PDSS2: variants seen among roughly 807,000 people sequenced by gnomAD.
PDSS2 encodes decaprenyl diphosphate synthase subunit 2.
In PDSS2, 31 loss-of-function variants were observed where a neutral mutation model predicts 44.5. The observed-to-expected ratio is 0.70, with a 90% CI of 0.52 to 0.94. The LOEUF (loss-of-function observed/expected upper bound fraction) is 0.94. Among genes scored for constraint, PDSS2 ranks in the 40% least tolerant of loss-of-function variants. The pLI, the probability that PDSS2 is intolerant of heterozygous loss-of-function variation, is 0.00. For synonymous variants in PDSS2, 157 were observed against 180.3 expected (o/e 0.87, Z 1.03); for missense variants, 452 against 482.2 (o/e 0.94, Z 0.59).
chr6:107,407,811 T>C (rs1057315291), intron 1 of PDSS2, among the ~76,000 whole-genome samples: 6 of 152,086 alleles, frequency 3.9e-5, no homozygotes, highest in Non-Finnish European at 2.9e-5. Context: ...GCAATTCTCC[T>C]GCCTCAGCCT....
chr6:107,321,199 T>C (rs1777370713), intron 2 of PDSS2, among the ~76,000 whole-genome samples: 1 of 152,120 alleles, frequency 6.6e-6, no homozygotes, highest in Non-Finnish European at 1.5e-5. Context: ...TAAATGTTTG[T>C]TGAATGAATG....
At chr6:107,306,621 C>CATATT (rs1776869206) in intron 2 of PDSS2, among the ~76,000 whole-genome samples, 1 of 152,046 alleles carries the variant, frequency 6.6e-6, no homozygotes. Context: ...TGCTGGAATG[C>CATATT]ATATGTTCCA....
intron 4 of PDSS2, among the ~76,000 whole-genome samples, chr6:107,226,985 C>T (rs894319674): frequency 6.8e-6 from 1 of 146,514 alleles, no homozygotes; most frequent in Non-Finnish European, 1.5e-5. Context: ...CAAACCCAGC[C>T]TTTTTTTTAA....
At chr6:107,282,033 G>C (rs1582887678) in intron 2 of PDSS2, among the ~76,000 whole-genome samples, 1 of 152,164 alleles carries the variant, frequency 6.6e-6, no homozygotes, top group African/African-American at 2.4e-5. Flanking sequence ...AGCCTCCCTA[G>C]TATTTGGGAT....
intron 7 of PDSS2, among the ~76,000 whole-genome samples, chr6:107,173,861 G>C (rs1157164212): frequency 1.3e-5 from 2 of 152,076 alleles, no homozygotes; most frequent in Non-Finnish European, 2.9e-5. Flanking sequence ...TGTATATTTA[G>C]GTTTCAAAAA....
At chr6:107,178,385 C>A (rs746765937) in intron 7 of PDSS2, among the ~76,000 whole-genome samples, 18 of 152,122 alleles carry the variant, frequency 1.2e-4, no homozygotes, top group African/African-American at 4.1e-4. Flanking sequence ...GAGGTCTCTA[C>A]GCTATGGTGT....
At chr6:107,301,742 T>C (rs1776700999) in intron 2 of PDSS2, among the ~76,000 whole-genome samples, 1 of 151,996 alleles carries the variant, frequency 6.6e-6, no homozygotes, top group African/African-American at 2.4e-5. Context: ...GGCAGGCAGA[T>C]CACGAGGTCA....
intron 1 of PDSS2, among the ~76,000 whole-genome samples, chr6:107,440,189 T>C (rs1008622591): frequency 4.6e-5 from 7 of 152,184 alleles, no homozygotes; most frequent in African/African-American, 1.7e-4. Flanking sequence ...CTAGAGAGGT[T>C]AGTAATTTGT....
intron 1 of PDSS2, among the ~76,000 whole-genome samples, chr6:107,429,904 ATATATATATATATATAT>A (rs1781133060): frequency 2.1e-4 from 7 of 33,380 alleles, no homozygotes; most frequent in East Asian, 2.4e-3. Flanking sequence ...AAAAAAAAAT[ATATATATATATATATAT>A]ATATATATAT....
chr6:107,209,817 G>A (rs1773135188), intron 6 of PDSS2, among the ~76,000 whole-genome samples: 1 of 152,028 alleles, frequency 6.6e-6, no homozygotes, highest in South Asian at 2.1e-4. Context: ...CAGCCACGAA[G>A]TTAAATAAAT....
intron 2 of PDSS2, among the ~76,000 whole-genome samples, chr6:107,282,300 A>G (rs1218663292): frequency 2.0e-5 from 3 of 152,260 alleles, no homozygotes; most frequent in Non-Finnish European, 2.9e-5. Context: ...TTATAGAATC[A>G]GAGTTGGAAG....
At chr6:107,226,424 G>T (rs1773823767) in intron 4 of PDSS2, among the ~76,000 whole-genome samples, 2 of 152,198 alleles carry the variant, frequency 1.3e-5, no homozygotes, top group African/African-American at 4.8e-5. Flanking sequence ...TTCTGGAGAT[G>T]GCTTCCCTGA....
chr6:107,399,255 C>T (rs1780037214), intron 1 of PDSS2, among the ~76,000 whole-genome samples: 1 of 152,186 alleles, frequency 6.6e-6, no homozygotes, highest in Admixed American at 6.5e-5. Flanking sequence ...AAGGTACCTA[C>T]CCTTGGTCTT....
chr6:107,169,209 C>T (rs186500736), intron 7 of PDSS2, among the ~76,000 whole-genome samples: 43 of 152,194 alleles, frequency 2.8e-4, no homozygotes, highest in African/African-American at 9.1e-4. Flanking sequence ...CTTCTCTTCT[C>T]GCTTCATTTC....
chr6:107,329,404 T>C (rs965185064), intron 2 of PDSS2, among the ~76,000 whole-genome samples: 3 of 152,160 alleles, frequency 2.0e-5, no homozygotes, highest in African/African-American at 7.2e-5. Flanking sequence ...GACTTCAACC[T>C]TTCCTTTCCA....
chr6:107,229,122 T>C (rs536431630), intron 4 of PDSS2, among the ~76,000 whole-genome samples: 16 of 152,280 alleles, frequency 1.1e-4, no homozygotes, highest in Admixed American at 3.9e-4. Context: ...AAACAGCTTT[T>C]ACATGTATAT....
At chr6:107,380,562 A>G (rs1395558995) in intron 1 of PDSS2, among the ~76,000 whole-genome samples, 1 of 152,202 alleles carries the variant, frequency 6.6e-6, no homozygotes, top group African/African-American at 2.4e-5. Context: ...GGTAGTATCC[A>G]GCCTGGGAGT....
At chr6:107,323,081 T>A (rs915894758) in intron 2 of PDSS2, among the ~76,000 whole-genome samples, 3 of 152,160 alleles carry the variant, frequency 2.0e-5, no homozygotes, top group Admixed American at 6.5e-5. Flanking sequence ...TCACCTATCA[T>A]CTTATGTGAG....
chr6:107,353,255 T>G (rs1778487256), intron 1 of PDSS2, among the ~76,000 whole-genome samples: 2 of 152,200 alleles, frequency 1.3e-5, no homozygotes, highest in Non-Finnish European at 2.9e-5. Flanking sequence ...CATGTGGATG[T>G]ACACAATCAT....
Sources: gnomAD v4.1 joint callset for allele counts (sites outside exome capture counted in the v4.1 genomes callset) on GRCh38, gnomAD v4.1.1 for gene constraint, MANE v1.5 for transcripts, NCBI Gene and HGNC (gene_info 2026-07-23, HGNC 2026-07-21) for gene names.